Variants in NCALD observed in about 807,000 individuals in gnomAD.
The protein encoded by NCALD is neurocalcin-delta.
A neutral mutation model predicts 18.6 loss-of-function variants in NCALD; 10 were observed. That is an observed-to-expected ratio of 0.54 (90% CI 0.33 to 0.91). NCALD has a LOEUF of 0.91. Ranked by LOEUF, NCALD falls within the 40% of genes least tolerant of loss-of-function variation. NCALD has a pLI of 0.03. For missense variants in NCALD, 184 were observed against 247.6 expected (o/e 0.74, Z 1.72); for synonymous variants, 88 against 87.4 (o/e 1.01, Z -0.04).
intron 4 of NCALD, among the ~76,000 whole-genome samples, chr8:101,847,073 G>A (rs983679521): frequency 1.3e-5 from 2 of 152,160 alleles, no homozygotes; most frequent in African/African-American, 2.4e-5. Flanking sequence ...TCAGCTAGAA[G>A]GGTCCCTGTG....
rs74643229 is a variant in NCALD, at chr8:101,994,287, G to A, written c.-157+25950C>T. Among the ~76,000 whole-genome samples, 5 of 152,182 alleles carry A rather than the reference G, an allele frequency of 3.3e-5. No homozygotes were observed. In the East Asian group the frequency reaches 9.7e-4, roughly 29 times the overall value. On this transcript the variant is annotated intron_variant, in intron 2 of 6. Coordinates refer to the NCALD transcript ENST00000311028. Reference sequence around the variant, plus strand: ...GGGGCGACTGTGAAGTCCCAATCTGGTTCCAACACTATTACTCTAGTGATA... The same window carrying A: ...GGGGCGACTGTGAAGTCCCAATCTGATTCCAACACTATTACTCTAGTGATA...
chr8:101,719,409 G>T lies in NCALD; in HGVS notation c.221C>A (p.Ala74Glu). 6.2e-7 allele frequency: 1 copy of T among 1,614,210 alleles called. No individual in the cohort carries two copies. Among genetic ancestry groups the T allele is most frequent in the Non-Finnish European group, 8.5e-7 (1 of 1,180,034 alleles). ...FAEHVFRTFD[A>E]NGDGTIDFRE... ...AAAGTCTATTGTCCCATCTCCATTT[G>T]CATCGAAGGTGCGGAAGACATGCTC... Residue 74 changes from alanine to glutamate, a missense_variant, in exon 2 of 4, where the codon GCA becomes GAA. Ala to Glu is a moderately radical substitution (Grantham distance 107). Transcript: ENST00000220931.
chr8:101,965,887 C>T (rs766505687), intron 2 of NCALD, among the ~76,000 whole-genome samples: 23 of 152,092 alleles, frequency 1.5e-4, no homozygotes, highest in Non-Finnish European at 3.2e-4. Context: ...CTGTGTTATT[C>T]CCACATTACT....
At chr8:101,726,077 G>T (rs1816560095) in intron 1 of NCALD, among the ~76,000 whole-genome samples, 1 of 152,138 alleles carries the variant, frequency 6.6e-6, no homozygotes, top group Admixed American at 6.5e-5. Flanking sequence ...AGGGGTCTAA[G>T]CTGGGAGGCA....
chr8:101,796,930 C>A (rs1812658928), intron 4 of NCALD, among the ~76,000 whole-genome samples: 1 of 152,204 alleles, frequency 6.6e-6, no homozygotes, highest in African/African-American at 2.4e-5. Context: ...TTTCTGATTG[C>A]CTCCTTCGGA....
intron 2 of NCALD, among the ~76,000 whole-genome samples, chr8:101,921,363 A>G (rs1435809276): frequency 1.3e-5 from 2 of 151,964 alleles, no homozygotes; most frequent in African/African-American, 4.8e-5. Context: ...TTGGATTTCT[A>G]AAATCCTTTT....
intron 1 of NCALD, among the ~76,000 whole-genome samples, chr8:102,092,795 C>T (rs758790394): frequency 1.3e-5 from 2 of 152,218 alleles, no homozygotes; most frequent in Non-Finnish European, 2.9e-5. Flanking sequence ...AGTCAACAGC[C>T]TTCCTTAGCT....
chr8:101,779,194 T>C (rs1475955451), intron 1 of NCALD, among the ~76,000 whole-genome samples: 3 of 152,114 alleles, frequency 2.0e-5, no homozygotes, highest in Non-Finnish European at 4.4e-5. Flanking sequence ...CTAGCAAAAT[T>C]GAAAATGAGT....
chr8:101,915,833 T>A (rs1193012536), exon 3 of NCALD: 1 of 152,152 alleles, frequency 6.6e-6, no homozygotes, highest in Admixed American at 6.5e-5. Context: ...CAACGAGTGG[T>A]CCCAGGAGAC....
intron 1 of NCALD, among the ~76,000 whole-genome samples, chr8:101,776,080 A>T (rs764390797): frequency 6.6e-6 from 1 of 152,172 alleles, no homozygotes; most frequent in African/African-American, 2.4e-5. Context: ...CATGAACCCC[A>T]GACAATCCTG....
intron 4 of NCALD, among the ~76,000 whole-genome samples, chr8:101,841,981 C>T (rs1327211399): frequency 6.6e-6 from 1 of 152,156 alleles, no homozygotes; most frequent in African/African-American, 2.4e-5. Flanking sequence ...CAAAGTACCA[C>T]ACACTAAGTG....
chr8:101,925,283 A>C (rs934638849), intron 2 of NCALD, among the ~76,000 whole-genome samples: 5 of 152,132 alleles, frequency 3.3e-5, no homozygotes, highest in African/African-American at 1.2e-4. Context: ...CAGCCAGACT[A>C]TAAGGGGTGT....
intron 4 of NCALD, among the ~76,000 whole-genome samples, chr8:101,800,650 A>G (rs1239381967): frequency 6.6e-6 from 1 of 151,726 alleles, no homozygotes; most frequent in Non-Finnish European, 1.5e-5. Flanking sequence ...TGAAATCAAG[A>G]GTACAGAAAG....
intron 3 of NCALD, among the ~76,000 whole-genome samples, chr8:101,887,656 T>C (rs983680654): frequency 1.0e-4 from 15 of 150,430 alleles, no homozygotes; most frequent in African/African-American, 3.6e-4. Context: ...TTTAAATATA[T>C]ATCAATTATT....
intron 2 of NCALD, among the ~76,000 whole-genome samples, chr8:101,957,883 G>A (rs765089266): frequency 5.3e-5 from 8 of 152,162 alleles, no homozygotes; most frequent in Admixed American, 3.3e-4. Context: ...GTCATAGATC[G>A]AGGTACCCCA....
upstream of NCALD, among the ~76,000 whole-genome samples, chr8:101,792,136 T>C (rs1426034354): frequency 2.6e-5 from 4 of 152,158 alleles, no homozygotes; most frequent in Non-Finnish European, 5.9e-5. Context: ...CTAAGGACCT[T>C]TATATGCTAG....
chr8:102,032,423 T>C (rs1162271815), intron 1 of NCALD, among the ~76,000 whole-genome samples: 1 of 152,098 alleles, frequency 6.6e-6, no homozygotes, highest in Admixed American at 6.5e-5. Context: ...AGCTGTTGTA[T>C]ATCCACTCAG....
intron 1 of NCALD, among the ~76,000 whole-genome samples, chr8:102,054,660 C>CGATA (rs10617345): frequency 0.035 from 4,927 of 142,238 alleles, 96 homozygotes; most frequent in African/African-American, 0.047. Flanking sequence ...CTTTCTCTTC[C>CGATA]GATAGATAGA....
chr8:101,690,024 TAACCC>T (rs1195712037), intron 3 of NCALD, among the ~76,000 whole-genome samples: 2 of 152,182 alleles, frequency 1.3e-5, no homozygotes, highest in African/African-American at 4.8e-5. Flanking sequence ...AGGCAGAGGG[TAACCC>T]ATGGGTTTCT....
Sources: gnomAD v4.1 joint callset for allele counts (sites outside exome capture counted in the v4.1 genomes callset) on GRCh38, gnomAD v4.1.1 for gene constraint, MANE v1.5 for transcripts, NCBI Gene and HGNC (gene_info 2026-07-23, HGNC 2026-07-21) for gene names.